TENM3: variants seen among roughly 807,000 people sequenced by gnomAD.
The protein encoded by TENM3 is teneurin transmembrane protein 3.
Under a neutral mutation model 255.1 loss-of-function variants are expected in TENM3, and 63 were observed. The ratio of observed to expected loss-of-function variants is 0.25; its 90% CI spans 0.20 to 0.30. The LOEUF (loss-of-function observed/expected upper bound fraction) is 0.30, where lower values mean the gene tolerates loss of function less well. Ranked by LOEUF, TENM3 falls within the 10% of genes least tolerant of loss-of-function variation. The pLI is 1.00. For missense variants in TENM3, 2,929 were observed against 3,461.1 expected, an observed-to-expected ratio of 0.85 and a Z score of 3.86; for synonymous variants, 1,306 against 1,322.3, an observed-to-expected ratio of 0.99 and a Z score of 0.27.
At chr4:182,020,382 A>G in the TENM3 span, among the ~76,000 whole-genome samples, 2 of 152,104 alleles carry the variant, frequency 1.3e-5, no homozygotes, top group African/African-American at 4.8e-5. Flanking sequence ...AAATTAAAAA[A>G]TAGTTTAAAA....
the TENM3 span, among the ~76,000 whole-genome samples, chr4:181,940,705 C>G: frequency 6.6e-6 from 1 of 152,158 alleles, no homozygotes; most frequent in Non-Finnish European, 1.5e-5. Context: ...TATCAGGAAA[C>G]AGCACAAAGT....
At chr4:182,095,363 TA>T in the TENM3 span, among the ~76,000 whole-genome samples, 1 of 152,168 alleles carries the variant, frequency 6.6e-6, no homozygotes, top group East Asian at 1.9e-4. Flanking sequence ...TATTTAGCCA[TA>T]AAAAAGAATG....
chr4:182,605,053 A>G (rs1055954610), intron 4 of TENM3, among the ~76,000 whole-genome samples: 2 of 152,160 alleles, frequency 1.3e-5, no homozygotes, highest in African/African-American at 4.8e-5. Flanking sequence ...GAAGGTAAAA[A>G]CAGTCATACA....
the TENM3 span, among the ~76,000 whole-genome samples, chr4:181,576,308 A>G: frequency 6.6e-6 from 1 of 152,234 alleles, no homozygotes; most frequent in Non-Finnish European, 1.5e-5. Context: ...ATAGTATTCC[A>G]TTGTGTATAT....
intron 12 of TENM3, among the ~76,000 whole-genome samples, chr4:182,710,118 G>A (rs925753140): frequency 1.3e-5 from 2 of 152,144 alleles, no homozygotes; most frequent in African/African-American, 2.4e-5. Flanking sequence ...TATTTTGGTT[G>A]TGCAGGCCTA....
the TENM3 span, among the ~76,000 whole-genome samples, chr4:181,827,405 C>T: frequency 2.6e-5 from 4 of 152,200 alleles, no homozygotes; most frequent in African/African-American, 4.8e-5. Flanking sequence ...CGTGAGCAGT[C>T]GGCAGAGCCA....
intron 3 of TENM3, among the ~76,000 whole-genome samples, chr4:182,411,834 T>G (rs1252802827): frequency 6.6e-6 from 1 of 152,220 alleles, no homozygotes; most frequent in Non-Finnish European, 1.5e-5. Context: ...TGCTTCTTCC[T>G]TGGTTCTAAG....
At chr4:182,017,249 G>A in the TENM3 span, among the ~76,000 whole-genome samples, 20 of 152,190 alleles carry the variant, frequency 1.3e-4, no homozygotes, top group African/African-American at 3.9e-4. Flanking sequence ...GCCGTGCTTC[G>A]CCCTGTCCTG....
the TENM3 span, among the ~76,000 whole-genome samples, chr4:181,969,083 TTTTAAAA>T: frequency 6.6e-6 from 1 of 152,038 alleles, no homozygotes; most frequent in African/African-American, 2.4e-5. Context: ...ATAATTTCCT[TTTTAAAA>T]GTTAGCATTA....
intron 1 of TENM3, among the ~76,000 whole-genome samples, chr4:182,153,504 G>T (rs927440518): frequency 6.6e-6 from 1 of 151,918 alleles, no homozygotes; most frequent in East Asian, 1.9e-4. Flanking sequence ...TAGGAACTTC[G>T]GTCAACCATC....
the TENM3 span, among the ~76,000 whole-genome samples, chr4:181,913,215 C>A: frequency 6.6e-6 from 1 of 152,190 alleles, no homozygotes; most frequent in Non-Finnish European, 1.5e-5. Flanking sequence ...GAAGCCGAGA[C>A]AGGAAGGAGA....
At chr4:181,696,986 CTTG>C in the TENM3 span, among the ~76,000 whole-genome samples, 2 of 152,344 alleles carry the variant, frequency 1.3e-5, no homozygotes, top group East Asian at 1.9e-4. Flanking sequence ...CAGATTTCAT[CTTG>C]TTGTTGTTGT....
At chr4:181,899,556 GTTTTGTT>G in the TENM3 span, among the ~76,000 whole-genome samples, 1 of 151,414 alleles carries the variant, frequency 6.6e-6, no homozygotes, top group Non-Finnish European at 1.5e-5. Flanking sequence ...TTTTTGTTTT[GTTTTGTT>G]TTTTGTTTTT....
At chr4:182,704,567 T>C (rs1460681570) in intron 12 of TENM3, among the ~76,000 whole-genome samples, 1 of 152,228 alleles carries the variant, frequency 6.6e-6, no homozygotes, top group African/African-American at 2.4e-5. Flanking sequence ...AGGAAAAATA[T>C]TATTTCTCTC....
At chr4:181,928,532 GAAAAGACC>G in the TENM3 span, among the ~76,000 whole-genome samples, 6 of 151,936 alleles carry the variant, frequency 3.9e-5, no homozygotes, top group Admixed American at 1.3e-4. Context: ...GGGACTACGT[GAAAAGACC>G]AAACCTACGT....
the TENM3 span, among the ~76,000 whole-genome samples, chr4:181,758,436 C>G: frequency 6.6e-6 from 1 of 152,098 alleles, no homozygotes; most frequent in African/African-American, 2.4e-5. Context: ...CAGATCAGAG[C>G]CTTTACGAAT....
chr4:181,648,596 A>T, the TENM3 span, among the ~76,000 whole-genome samples: 2 of 152,210 alleles, frequency 1.3e-5, no homozygotes, highest in African/African-American at 4.8e-5. Context: ...TTACAAAAGA[A>T]TTCTGATTTA....
the TENM3 span, among the ~76,000 whole-genome samples, chr4:181,962,716 A>G: frequency 6.6e-6 from 1 of 152,240 alleles, no homozygotes; most frequent in Non-Finnish European, 1.5e-5. Context: ...GCCTACAGTC[A>G]CAGCCAAGTA....
chr4:182,117,771 A>AT, the TENM3 span, among the ~76,000 whole-genome samples: 1 of 151,700 alleles, frequency 6.6e-6, no homozygotes, highest in African/African-American at 2.4e-5. Context: ...TATTCTGGAT[A>AT]TTTTTTTCCA....
Sources: allele counts gnomAD v4.1 joint callset (sites outside exome capture counted in the v4.1 genomes callset), GRCh38; gene constraint gnomAD v4.1.1; transcripts MANE v1.5; gene names NCBI Gene and HGNC (gene_info 2026-07-23, HGNC 2026-07-21).